The following PCDHGA6 variants were observed in gnomAD, a reference collection of about 807,000 sequenced individuals.
The protein encoded by PCDHGA6 is protocadherin gamma subfamily A, 6.
PCDHGA6 carries 41 observed loss-of-function variants against 60.6 expected under a neutral mutation model. The ratio of observed to expected loss-of-function variants is 0.68; its 90% CI spans 0.53 to 0.88. The LOEUF is 0.88. Ranked by LOEUF, PCDHGA6 falls within the 40% of genes least tolerant of loss-of-function variation. The probability of loss-of-function intolerance (pLI) is 0.00; values close to 1 mark genes in which losing one functional copy is unlikely to be tolerated. For synonymous variants in PCDHGA6, 594 were observed against 524.4 expected, an observed-to-expected ratio of 1.13 and a Z score of -1.81; for missense variants, 1,312 against 1,203.0, an observed-to-expected ratio of 1.09 and a Z score of -1.34.
intron 1 of PCDHGA6, among the ~76,000 whole-genome samples, chr5:141,469,731 C>A (rs1332201791): frequency 6.6e-6 from 1 of 152,214 alleles, no homozygotes; most frequent in Non-Finnish European, 1.5e-5. Context: ...ATCATAAATA[C>A]ACACCTCAAA....
chr5:141,384,940 T>A lies in PCDHGA6; in HGVS notation c.2424+8433T>A, dbSNP rs781038163. The A allele has an allele frequency of 1.2e-6, 2 of 1,613,942 alleles. No individual in the cohort carries two copies. The highest frequency in any genetic ancestry group is 1.7e-6 in the Non-Finnish European group (2 of 1,179,994). ...GGCCGACCTGGGCAGCCTTGAGCCCTCCGACGGTCCTTACAACTATGACCT... is the reference window on the plus strand; with the variant it reads ...GGCCGACCTGGGCAGCCTTGAGCCCACCGACGGTCCTTACAACTATGACCT... On this transcript the variant is annotated intron_variant, in intron 1 of 3. Coordinates refer to ENST00000517434, the MANE Select transcript of PCDHGA6 (RefSeq NM_018919.3).
chr5:141,439,790 C>G (rs2098131627), intron 1 of PCDHGA6: 2 of 152,248 alleles, frequency 1.3e-5, no homozygotes, highest in Non-Finnish European at 2.9e-5. Flanking sequence ...TTCTATAATC[C>G]AAGAAGAGTT....
chr5:141,425,337 G>A (rs1327677274), intron 1 of PCDHGA6, among the ~76,000 whole-genome samples: 1 of 152,186 alleles, frequency 6.6e-6, no homozygotes. Flanking sequence ...AAAAAGGAAG[G>A]GTTGGCTTTG....
At chr5:141,404,044 A>G (rs752955570) in intron 1 of PCDHGA6, 3 of 1,613,936 alleles carry the variant, frequency 1.9e-6, no homozygotes, top group South Asian at 1.1e-5. Context: ...CTCAGGGAAC[A>G]GTAATTCTTC....
chr5:141,441,750 A>C, intron 1 of PCDHGA6: 1 of 374,962 alleles, frequency 2.7e-6, no homozygotes, highest in South Asian at 2.1e-5. Context: ...GCTCGGCGTC[A>C]ACGTGAGCCT....
chr5:141,389,208 G>A (rs762367131), intron 1 of PCDHGA6: 7 of 1,613,930 alleles, frequency 4.3e-6, no homozygotes, highest in Non-Finnish European at 5.9e-6. Context: ...GCACATTGGT[G>A]ATGTAAATGA....
intron 1 of PCDHGA6, among the ~76,000 whole-genome samples, chr5:141,387,384 A>G (rs897106394): frequency 6.6e-6 from 1 of 152,208 alleles, no homozygotes; most frequent in Non-Finnish European, 1.5e-5. Flanking sequence ...CTTTATATAG[A>G]TAGTGCATGT....
Position 141,491,401 on chromosome 5 carries a change from G to A in PCDHGA6, c.2425-3406G>A. The A allele has an allele frequency of 6.2e-7, 1 of 1,614,100 alleles. No homozygotes were observed. ...GTCAGCGAAGTGCCTTCAGGGAAAC[G>A]CAGACGGGGACGGGGGTGGAGGGCA... On this transcript the variant is annotated intron_variant, in intron 1 of 3. Transcript: ENST00000517434. This position sits in a 1 kb window ranked among gnomAD's most constrained non-coding sequence, Gnocchi z 6.9.
rs1416883218 is a variant in PCDHGA6, at chr5:141,428,027, G to A, written c.2424+51520G>A. On this transcript the variant is annotated intron_variant, in intron 1 of 3. Coordinates refer to ENST00000517434, the MANE Select transcript of PCDHGA6 (RefSeq NM_018919.3). ...TCGATATAGTGCCACGCGCCGCAGAGTCCGGCTACCTGGTGACCAAGGTGG... is the reference window on the plus strand; with the variant it reads ...TCGATATAGTGCCACGCGCCGCAGAATCCGGCTACCTGGTGACCAAGGTGG... 1.9e-6 allele frequency: 3 copies of A among 1,606,742 alleles called. No homozygotes were observed. The Admixed American group carries it at 5.0e-5, about 27-fold the overall frequency.
intron 1 of PCDHGA6, among the ~76,000 whole-genome samples, chr5:141,468,281 C>T (rs568875291): frequency 6.8e-6 from 1 of 147,354 alleles, no homozygotes; most frequent in African/African-American, 2.5e-5. Flanking sequence ...GCCGAGACCA[C>T]GCCATTGCAC....
chr5:141,489,354 G>A lies in PCDHGA6; in HGVS notation c.2425-5453G>A, dbSNP rs773010251. On this transcript the variant is annotated intron_variant, in intron 1 of 3. Coordinates refer to ENST00000517434, the MANE Select transcript of PCDHGA6 (RefSeq NM_018919.3). The surrounding 1 kb of genome is among the most constrained non-coding windows in gnomAD (Gnocchi z 4.5). ...AGCTTCGTTACTCAGTGGTGGAGGA[G>A]TCTGAGCCGGGGACGCTGGTGGGGA... The A allele has an allele frequency of 1.2e-5, 19 of 1,612,796 alleles. No homozygotes were observed. Among genetic ancestry groups the A allele is most frequent in the East Asian group, 2.2e-5 (1 of 44,868 alleles).
chr5:141,434,027 G>A (rs887125944), intron 1 of PCDHGA6, among the ~76,000 whole-genome samples: 3 of 152,130 alleles, frequency 2.0e-5, no homozygotes, highest in Non-Finnish European at 2.9e-5. Flanking sequence ...GATTCTGGAA[G>A]CATGGTTTTC....
At position 141,499,673 on chromosome 5, in the gene PCDHGA6, C is replaced by A. The variant is rs1193484216; in HGVS notation, c.2483+4808C>A. Among the ~76,000 whole-genome samples the A allele has an allele frequency of 2.7e-5, 4 of 150,550 alleles. No individual in the cohort carries two copies. In the East Asian group the frequency reaches 7.8e-4, roughly 29 times the overall value. On this transcript the variant is annotated intron_variant, in intron 2 of 3. Transcript: ENST00000517434. ...CATATAATTTCATCTTGGTCTCCACCATCTTTAACAGATGACTTTTTTTTT... is the reference window on the plus strand; with the variant it reads ...CATATAATTTCATCTTGGTCTCCACAATCTTTAACAGATGACTTTTTTTTT...
chr5:141,453,032 G>A (rs2098754281), intron 1 of PCDHGA6, among the ~76,000 whole-genome samples: 1 of 152,132 alleles, frequency 6.6e-6, no homozygotes, highest in Admixed American at 6.5e-5. Flanking sequence ...TTAAAATAAA[G>A]TTTGTTTCTA....
chr5:141,380,058 C>G (rs1231461261), intron 1 of PCDHGA6, among the ~76,000 whole-genome samples: 1 of 151,888 alleles, frequency 6.6e-6, no homozygotes, highest in Non-Finnish European at 1.5e-5. Flanking sequence ...TGCCACCATG[C>G]CTAGCTAATT....
intron 1 of PCDHGA6, chr5:141,389,596 C>A: frequency 6.2e-7 from 1 of 1,613,132 alleles, no homozygotes; most frequent in Non-Finnish European, 8.5e-7. Context: ...GACGGCTCTG[C>A]GCTCTTCGAT....
chr5:141,450,468 A>G (rs1187171122), intron 1 of PCDHGA6, among the ~76,000 whole-genome samples: 2 of 151,696 alleles, frequency 1.3e-5, no homozygotes, highest in African/African-American at 4.9e-5. Flanking sequence ...TTTTATATAT[A>G]GAGTTTGTTT....
intron 1 of PCDHGA6, chr5:141,403,017 T>C: frequency 6.2e-7 from 1 of 1,614,064 alleles, no homozygotes; most frequent in South Asian, 1.1e-5. Context: ...CTCCTGGGGA[T>C]GCTATGGGAG....
At chr5:141,434,843 G>C (rs1302739038) in intron 1 of PCDHGA6, among the ~76,000 whole-genome samples, 2 of 151,746 alleles carry the variant, frequency 1.3e-5, no homozygotes, top group African/African-American at 4.8e-5. Flanking sequence ...TTATAAAGCA[G>C]ACATCAATAA....
Sources: gnomAD v4.1 joint callset for allele counts (sites outside exome capture counted in the v4.1 genomes callset) on GRCh38, gnomAD v4.1.1 for gene constraint, Gnocchi (gnomAD v3.1) non-coding constraint, MANE v1.5 for transcripts, NCBI Gene and HGNC (gene_info 2026-07-23, HGNC 2026-07-21) for gene names.